The following CPQ variants were observed in gnomAD, a reference collection of about 807,000 sequenced individuals.
The protein encoded by CPQ is carboxypeptidase Q, also known as Ser-Met dipeptidase.
In CPQ, 37 loss-of-function variants were observed where a neutral mutation model predicts 45.7. The observed-to-expected ratio is 0.81, with a 90% confidence interval of 0.62 to 1.07. CPQ has a LOEUF of 1.07. Among genes scored for constraint, CPQ ranks in the 50% least tolerant of loss-of-function variants. The pLI, the probability that CPQ is intolerant of heterozygous loss-of-function variation, is 0.00. For synonymous variants in CPQ, 186 were observed against 205.8 expected (o/e 0.90, Z 0.82); for missense variants, 537 against 572.9 (o/e 0.94, Z 0.64).
At chr8:97,108,753 C>T (rs190856429) in intron 7 of CPQ, among the ~76,000 whole-genome samples, 2 of 152,276 alleles carry the variant, frequency 1.3e-5, no homozygotes, top group East Asian at 1.9e-4. Context: ...TTGAGATCAA[C>T]TTTAAAACAT....
At chr8:96,967,363 C>T (rs1386438272) in intron 5 of CPQ, among the ~76,000 whole-genome samples, 1 of 152,170 alleles carries the variant, frequency 6.6e-6, no homozygotes, top group African/African-American at 2.4e-5. Context: ...TTAAGCAAGT[C>T]ATTTGAATGC....
intron 4 of CPQ, among the ~76,000 whole-genome samples, chr8:96,895,359 A>G (rs1444329324): frequency 6.6e-6 from 1 of 152,198 alleles, no homozygotes; most frequent in African/African-American, 2.4e-5. Context: ...TTATAAAGTT[A>G]TAATATTTTA....
chr8:96,858,484 A>G (rs557405303), intron 3 of CPQ, among the ~76,000 whole-genome samples: 1 of 152,256 alleles, frequency 6.6e-6, no homozygotes, highest in African/African-American at 2.4e-5. Flanking sequence ...TCCCTACCCA[A>G]CTGAAAATTA....
chr8:96,908,747 G>GCACACACACACACACACACA (rs34425501), intron 4 of CPQ, among the ~76,000 whole-genome samples: 11 of 140,918 alleles, frequency 7.8e-5, no homozygotes, highest in African/African-American at 2.6e-4. Context: ...ATACACATGC[G>GCACACACACACACACACACA]CACACACACA....
At chr8:96,960,247 C>T (rs542337374) in intron 4 of CPQ, among the ~76,000 whole-genome samples, 5 of 152,066 alleles carry the variant, frequency 3.3e-5, no homozygotes, top group Non-Finnish European at 7.4e-5. Flanking sequence ...CAGATTTTTA[C>T]AATTATATTT....
intron 7 of CPQ, among the ~76,000 whole-genome samples, chr8:97,093,269 C>T (rs747061605): frequency 6.6e-6 from 1 of 152,102 alleles, no homozygotes; most frequent in Non-Finnish European, 1.5e-5. Context: ...GGAGATTTTT[C>T]AAAGAACTTA....
rs1000572267 is a variant in CPQ, at chr8:96,814,277, A to C, written c.434-20696A>C. 6.6e-5 allele frequency among the ~76,000 whole-genome samples: 10 copies of C among 152,242 alleles called. No homozygotes were observed. In the East Asian group the frequency reaches 1.9e-3, roughly 29 times the overall value. ...TACAAAATCACAGGAACTCTTTATCACTTAGATTGGAGATTACGAATGCCG... is the reference window on the plus strand; with the variant it reads ...TACAAAATCACAGGAACTCTTTATCCCTTAGATTGGAGATTACGAATGCCG... On this transcript the variant is annotated intron_variant, in intron 2 of 7. Coordinates refer to ENST00000220763, the MANE Select transcript of CPQ (RefSeq NM_016134.4).
chr8:97,050,680 G>A (rs1419036617), intron 6 of CPQ, among the ~76,000 whole-genome samples: 1 of 152,210 alleles, frequency 6.6e-6, no homozygotes, highest in East Asian at 1.9e-4. Flanking sequence ...CCTGAGCAAC[G>A]TAGCAAGACC....
chr8:97,006,341 T>C (rs192997906), intron 5 of CPQ, among the ~76,000 whole-genome samples: 1 of 152,244 alleles, frequency 6.6e-6, no homozygotes, highest in Admixed American at 6.5e-5. Context: ...TTCTTAGATT[T>C]ATACAAACCC....
intron 4 of CPQ, among the ~76,000 whole-genome samples, chr8:96,957,887 G>A (rs562367093): frequency 1.1e-4 from 17 of 150,766 alleles, no homozygotes; most frequent in Non-Finnish European, 2.4e-4. Flanking sequence ...ATACTGGAGT[G>A]TAGTGGTGTG....
intron 5 of CPQ, among the ~76,000 whole-genome samples, chr8:97,023,022 A>ATATATACTGTATATATATAC (rs1554584147): frequency 1.4e-5 from 2 of 146,784 alleles, no homozygotes; most frequent in African/African-American, 5.0e-5. Flanking sequence ...TATATAGTAT[A>ATATATACTGTATATATATAC]TATATACAGT....
At chr8:96,851,806 G>T (rs1051965098) in intron 3 of CPQ, among the ~76,000 whole-genome samples, 6 of 152,254 alleles carry the variant, frequency 3.9e-5, no homozygotes, top group Middle Eastern at 3.4e-3. Context: ...GACAGTCTTG[G>T]GCCCTTTGTT....
At chr8:97,041,555 C>G (rs1810126146) in intron 6 of CPQ, among the ~76,000 whole-genome samples, 1 of 152,166 alleles carries the variant, frequency 6.6e-6, no homozygotes, top group Non-Finnish European at 1.5e-5. Flanking sequence ...GCATCCCTGT[C>G]TTGTGCCAGT....
At chr8:96,826,074 G>A (rs1219455667) in intron 2 of CPQ, among the ~76,000 whole-genome samples, 2 of 152,034 alleles carry the variant, frequency 1.3e-5, no homozygotes, top group African/African-American at 2.4e-5. Context: ...ATGACATTGG[G>A]TGGGTTAGCT....
chr8:97,032,109 T>A (rs1057118099), intron 6 of CPQ, among the ~76,000 whole-genome samples: 1 of 152,164 alleles, frequency 6.6e-6, no homozygotes, highest in Non-Finnish European at 1.5e-5. Flanking sequence ...TCCAACAATA[T>A]CCAGTTCACT....
intron 1 of CPQ, among the ~76,000 whole-genome samples, chr8:96,686,624 TG>T (rs1198780922): frequency 1.3e-5 from 2 of 152,072 alleles, no homozygotes; most frequent in Non-Finnish European, 2.9e-5. Context: ...TCTTTTTTCA[TG>T]ATATTCACAA....
chr8:97,024,359 C>T (rs1307447108), intron 5 of CPQ, among the ~76,000 whole-genome samples: 4 of 152,090 alleles, frequency 2.6e-5, no homozygotes, highest in African/African-American at 9.7e-5. Flanking sequence ...CAGATTGTTT[C>T]TCGGGGTGGC....
intron 3 of CPQ, among the ~76,000 whole-genome samples, chr8:96,875,302 C>G (rs1336154147): frequency 1.3e-5 from 2 of 151,826 alleles, no homozygotes; most frequent in African/African-American, 4.8e-5. Flanking sequence ...ATGGTGTCCT[C>G]TAAAGCACAA....
chr8:96,886,955 A>G (rs578075947), intron 4 of CPQ, among the ~76,000 whole-genome samples: 19 of 152,298 alleles, frequency 1.2e-4, no homozygotes, highest in Admixed American at 8.5e-4. Context: ...CACCTGGGAA[A>G]GTCGCCTGTG....
Sources: allele counts gnomAD v4.1 joint callset (sites outside exome capture counted in the v4.1 genomes callset), GRCh38; gene constraint gnomAD v4.1.1; transcripts MANE v1.5; gene names NCBI Gene and HGNC (gene_info 2026-07-23, HGNC 2026-07-21).